The following ARNT2 variants were observed in gnomAD, a reference collection of about 807,000 sequenced individuals.
ARNT2 encodes aryl hydrocarbon receptor nuclear translocator 2, also known as ARNT protein 2.
ARNT2 carries 36 observed loss-of-function variants against 91.7 expected under a neutral mutation model. That is an observed-to-expected ratio of 0.39 (90% confidence interval 0.30 to 0.52). The LOEUF is 0.52. ARNT2 is among the 20% of genes least tolerant of loss of function. The pLI is 0.72. For synonymous variants in ARNT2, 365 were observed against 347.1 expected (o/e 1.05, Z -0.57); for missense variants, 775 against 939.3 (o/e 0.83, Z 2.29).
intron 8 of ARNT2, among the ~76,000 whole-genome samples, chr15:80,544,014 T>G (rs1054227883): frequency 3.3e-5 from 5 of 152,218 alleles, no homozygotes; most frequent in African/African-American, 9.6e-5. Flanking sequence ...GTGCTGGGAT[T>G]ACAGGTGTGA....
chr15:80,444,923 TGGG>T (rs1377576981), intron 1 of ARNT2: 1 of 147,516 alleles, frequency 6.8e-6, no homozygotes, highest in South Asian at 2.2e-4. Context: ...CTGTGAATGG[TGGG>T]GGAGTGTGGG....
chr15:80,540,780 C>T (rs1021458681), intron 8 of ARNT2, among the ~76,000 whole-genome samples: 1 of 152,108 alleles, frequency 6.6e-6, no homozygotes, highest in Admixed American at 6.5e-5. Context: ...AATTCATTTA[C>T]AATAATGGCC....
At chr15:80,459,393 T>G (rs966334228) in intron 3 of ARNT2, among the ~76,000 whole-genome samples, 4 of 152,158 alleles carry the variant, frequency 2.6e-5, no homozygotes. Flanking sequence ...CTTGCTGAAA[T>G]GGAAACAAGG....
At chr15:80,519,910 G>A (rs1179369578) in intron 8 of ARNT2, among the ~76,000 whole-genome samples, 2 of 147,336 alleles carry the variant, frequency 1.4e-5, no homozygotes, top group African/African-American at 5.0e-5. Flanking sequence ...ATGTTAGCCA[G>A]GATGGTCTTG....
intron 8 of ARNT2, among the ~76,000 whole-genome samples, chr15:80,528,550 C>G (rs999718295): frequency 6.6e-6 from 1 of 152,104 alleles, no homozygotes; most frequent in African/African-American, 2.4e-5. Context: ...AAATTGGACC[C>G]TCAATGTTGG....
intron 14 of ARNT2, 132 bp from the exon 15 acceptor site, chr15:80,576,734 G>T (rs753869126): frequency 1.2e-6 from 1 of 860,608 alleles, no homozygotes; most frequent in South Asian, 1.5e-5. Context: ...AGAAGATTGC[G>T]TGCAGGCGGG....
intron 4 of ARNT2, among the ~76,000 whole-genome samples, chr15:80,473,392 G>A (rs1191653069): frequency 6.6e-6 from 1 of 152,122 alleles, no homozygotes; most frequent in Admixed American, 6.5e-5. Context: ...CACAGTCTTT[G>A]CAAACTGGAC....
Position 80,581,319 on chromosome 15 carries a change from T to A in ARNT2, c.1833T>A (p.Ser611=). The stretch of plus-strand genomic sequence containing the variant: ...GCCACACCTACCCGGCAGACCCCTC[T>A]TCCTACAGCCCCCTCTCCAGCCCAG... ...GTSHTYPADP[S]SYSPLSSPAT... is the part of the protein sequence containing the mutation. The change falls in exon 17 of 19, where the codon TCT becomes TCA. Residue 611 remains serine, a synonymous_variant. Transcript: ENST00000303329. The A allele has an allele frequency of 6.2e-7, 1 of 1,614,196 alleles. No homozygotes were observed. Among genetic ancestry groups the A allele is most frequent in the Non-Finnish European group, 8.5e-7 (1 of 1,180,024 alleles).
chr15:80,506,920 G>A (rs1897283661), intron 5 of ARNT2, among the ~76,000 whole-genome samples: 1 of 152,158 alleles, frequency 6.6e-6, no homozygotes, highest in African/African-American at 2.4e-5. Flanking sequence ...AGGTGGAGAG[G>A]GGCTGAAGAG....
At chr15:80,563,817 A>C (rs1346418114) in intron 12 of ARNT2, among the ~76,000 whole-genome samples, 2 of 152,208 alleles carry the variant, frequency 1.3e-5, no homozygotes, top group African/African-American at 2.4e-5. Context: ...GCATGTTAGC[A>C]GACCTCACAC....
chr15:80,510,011 A>G (rs546890865), intron 6 of ARNT2, among the ~76,000 whole-genome samples: 1 of 152,306 alleles, frequency 6.6e-6, no homozygotes. Flanking sequence ...AACATTACTA[A>G]AAACTGCCCC....
chr15:80,506,949 A>G (rs1052935355), intron 5 of ARNT2, among the ~76,000 whole-genome samples: 2 of 152,162 alleles, frequency 1.3e-5, no homozygotes, highest in African/African-American at 2.4e-5. Flanking sequence ...AAATTGGGCC[A>G]CATAGAGAGC....
intron 8 of ARNT2, among the ~76,000 whole-genome samples, chr15:80,527,204 G>A (rs182310798): frequency 1.5e-4 from 23 of 152,306 alleles, no homozygotes; most frequent in Admixed American, 1.3e-3. Context: ...CTAGGTCGTG[G>A]GGATCCTAAG....
At chr15:80,485,184 A>G (rs1184521762) in intron 5 of ARNT2, among the ~76,000 whole-genome samples, 2 of 152,186 alleles carry the variant, frequency 1.3e-5, no homozygotes, top group African/African-American at 4.8e-5. Flanking sequence ...AATGTGTCTT[A>G]GGATTTTGGT....
chr15:80,569,482 G>C (rs1374591033), intron 12 of ARNT2, among the ~76,000 whole-genome samples: 1 of 152,166 alleles, frequency 6.6e-6, no homozygotes, highest in African/African-American at 2.4e-5. Context: ...ACTCCCCAGG[G>C]CTCTTCTCAG....
chr15:80,561,024 T>C lies in ARNT2; in HGVS notation c.1165-2064T>C, dbSNP rs78081435. Among the ~76,000 whole-genome samples, 168 of 152,294 alleles carry C rather than the reference T, an allele frequency of 1.1e-3. 3 individuals carry two copies. Among genetic ancestry groups the C allele is most frequent in the African/African-American group, 3.9e-3 (160 of 41,552 alleles). Reference sequence around the variant, plus strand: ...CCCCAGCCGTGGGGCCAGCACACCATTGAGTCCCTGCGGGAAGTGTGCTCT... The same window carrying C: ...CCCCAGCCGTGGGGCCAGCACACCACTGAGTCCCTGCGGGAAGTGTGCTCT... On this transcript the variant is annotated intron_variant, in intron 11 of 18. Coordinates refer to ENST00000303329, the MANE Select transcript of ARNT2 (RefSeq NM_014862.4).
chr15:80,487,525 A>G (rs1357060612), intron 5 of ARNT2, among the ~76,000 whole-genome samples: 1 of 152,248 alleles, frequency 6.6e-6, no homozygotes, highest in Non-Finnish European at 1.5e-5. Context: ...AGCTCAGGAC[A>G]TAGTCTGTGA....
At position 80,576,920 on chromosome 15, in the gene ARNT2, C is replaced by A; in HGVS notation, c.1568C>A (p.Ser523Tyr). ...GCAGCAGGAACCCAGCAGATCTACT[C>A]CCAAGGAAGCCCATTTCCCTCTGGA... ...ASAAGTQQIY[S>Y]QGSPFPSGHS... The change falls in exon 15 of 19, where the codon TCC becomes TAC. Residue 523 changes from serine (S) to tyrosine (Y), a missense_variant. By Grantham distance (144) the Ser-to-Tyr change is moderately radical. Coordinates refer to ENST00000303329, the MANE Select transcript of ARNT2 (RefSeq NM_014862.4). 1 of 1,614,104 alleles carries A rather than the reference C, an allele frequency of 6.2e-7. No homozygotes were observed. The highest frequency in any genetic ancestry group is 2.2e-5 in the East Asian group (1 of 44,884).
chr15:80,425,044 A>G (rs1318545135), intron 1 of ARNT2, among the ~76,000 whole-genome samples: 1 of 152,238 alleles, frequency 6.6e-6, no homozygotes, highest in Non-Finnish European at 1.5e-5. Context: ...TATATCATGA[A>G]CATGCTTGTG....
Sources: allele counts gnomAD v4.1 joint callset (sites outside exome capture counted in the v4.1 genomes callset), GRCh38; gene constraint gnomAD v4.1.1; transcripts MANE v1.5; gene names NCBI Gene and HGNC (gene_info 2026-07-23, HGNC 2026-07-21).